The following AGAP1 variants were observed in gnomAD, a reference collection of about 807,000 sequenced individuals.
AGAP1 encodes the protein ArfGAP with GTPase domain, ankyrin repeat and PH domain 1.
Under a neutral mutation model 105.3 loss-of-function variants are expected in AGAP1, and 29 were observed. The observed-to-expected ratio is 0.28, with a 90% CI of 0.21 to 0.38. The LOEUF (loss-of-function observed/expected upper bound fraction) is 0.38. Among genes scored for constraint, AGAP1 ranks in the 10% least tolerant of loss-of-function variants. The pLI is 1.00. For synonymous variants in AGAP1, 509 were observed against 485.9 expected (o/e 1.05, Z -0.63); for missense variants, 998 against 1,165.1 (o/e 0.86, Z 2.09).
intron 6 of AGAP1, among the ~76,000 whole-genome samples, chr2:235,755,719 G>A (rs1039977710): frequency 6.6e-6 from 1 of 152,176 alleles, no homozygotes; most frequent in Non-Finnish European, 1.5e-5. Flanking sequence ...GGGATTGCAG[G>A]CATGACACAC....
At chr2:236,068,628 G>A (rs573607417) in intron 16 of AGAP1, among the ~76,000 whole-genome samples, 42 of 150,266 alleles carry the variant, frequency 2.8e-4, no homozygotes, top group African/African-American at 8.6e-4. Context: ...GTGAAACCCC[G>A]TCTCTACTAA....
chr2:235,603,738 C>G (rs967202694), intron 1 of AGAP1, among the ~76,000 whole-genome samples: 28 of 152,194 alleles, frequency 1.8e-4, no homozygotes, highest in African/African-American at 6.8e-4. Flanking sequence ...CAGTGAGTGT[C>G]TCTCCATGTG....
intron 10 of AGAP1, among the ~76,000 whole-genome samples, chr2:235,886,729 G>A (rs984318580): frequency 1.3e-5 from 2 of 152,246 alleles, no homozygotes; most frequent in African/African-American, 4.8e-5. Context: ...AGTTCCCTAT[G>A]GAAGGGGCTT....
Position 236,049,253 on chromosome 2 carries a change from C to T in AGAP1, c.2086C>T (p.Arg696Trp), listed in dbSNP as rs144972802. The change falls in exon 16 of 18, where the codon CGG becomes TGG. Residue 696 changes from arginine to tryptophan, a missense_variant. Around this residue, in one of 3 missense-constraint regions of AGAP1, gnomAD observed 235 missense variants for 270.7 expected, o/e 0.87. Transcript: ENST00000304032. ...CGTCTGGGAAGAGAGCAGCCAGGGG[C>T]GGACGAAACCATCGGTAGACTCCAC... ...NSVWEESSQGRTKPSVDSTRE... is the reference protein window; with the variant it reads ...NSVWEESSQGWTKPSVDSTRE... 7.2e-5 allele frequency: 116 copies of T among 1,614,106 alleles called. No homozygotes were observed. The highest frequency in any genetic ancestry group is 6.0e-4 in the African/African-American group (45 of 75,036).
chr2:235,875,511 C>T lies in AGAP1; in HGVS notation c.1051-7834C>T, dbSNP rs773907341. Reference sequence around the variant, plus strand: ...TCAGGGCCAGGTCGGTTTTGAGTCACGTGCTTACTGTGTGTCGGAACACTT... The same window carrying T: ...TCAGGGCCAGGTCGGTTTTGAGTCATGTGCTTACTGTGTGTCGGAACACTT... On this transcript the variant is annotated intron_variant, in intron 9 of 17. Transcript: ENST00000304032. The surrounding 1 kb of genome is among the most constrained non-coding windows in gnomAD (Gnocchi z 4.0). Among the ~76,000 whole-genome samples, 4 of 152,190 alleles carry T rather than the reference C, an allele frequency of 2.6e-5. No homozygotes were observed. The highest frequency in any genetic ancestry group is 1.9e-4 in the East Asian group (1 of 5,176).
rs1287846765 is a variant in AGAP1, at chr2:235,930,221, C to T, written c.1325-544C>T. ...TAGTCTTTTCAAGGTTAAGAGTAAA[C>T]TTATCTGGTTGAAGAGCCTGCATTT... On this transcript the variant is annotated intron_variant, in intron 11 of 17. Transcript: ENST00000304032. This position sits in a 1 kb window ranked among gnomAD's most constrained non-coding sequence, Gnocchi z 7.9. 6.6e-6 allele frequency among the ~76,000 whole-genome samples: 1 copy of T among 152,190 alleles called. No homozygotes were observed. The highest frequency in any genetic ancestry group is 1.5e-5 in the Non-Finnish European group (1 of 68,044).
chr2:236,074,249 A>G (rs902060701), intron 16 of AGAP1, among the ~76,000 whole-genome samples: 4 of 151,948 alleles, frequency 2.6e-5, no homozygotes, highest in Admixed American at 2.6e-4. Flanking sequence ...ACCCTCTGCA[A>G]GGGAGAGGCT....
intron 13 of AGAP1, among the ~76,000 whole-genome samples, chr2:236,033,407 A>C (rs1033932325): frequency 5.9e-5 from 9 of 152,204 alleles, no homozygotes; most frequent in Admixed American, 5.9e-4. Flanking sequence ...TTGTTTACAT[A>C]ATTAATCGGG....
In AGAP1 at chr2:235,901,740, G is replaced by A. The variant is rs2051074380; in HGVS notation, c.1156-6998G>A. On this transcript the variant is annotated intron_variant, in intron 10 of 17. Coordinates refer to ENST00000304032, the MANE Select transcript of AGAP1 (RefSeq NM_001037131.3). This position sits in a 1 kb window ranked among gnomAD's most constrained non-coding sequence, Gnocchi z 4.3. Reference sequence around the variant, plus strand: ...TACTAAAACTACAGAAATTAGGTGAGCATAGGAACGTGCCTGTAATCCCAG... The same window carrying A: ...TACTAAAACTACAGAAATTAGGTGAACATAGGAACGTGCCTGTAATCCCAG... 6.6e-6 allele frequency among the ~76,000 whole-genome samples: 1 copy of A among 152,118 alleles called. No homozygotes were observed. Among genetic ancestry groups the A allele is most frequent in the Non-Finnish European group, 1.5e-5 (1 of 68,034 alleles).
At chr2:235,653,228 G>C (rs1947656661) in intron 1 of AGAP1, among the ~76,000 whole-genome samples, 1 of 152,162 alleles carries the variant, frequency 6.6e-6, no homozygotes, top group African/African-American at 2.4e-5. Context: ...CACTTTGGGA[G>C]GCCAAGGCGG....
chr2:235,861,534 AAC>A (rs1559576187), intron 9 of AGAP1, among the ~76,000 whole-genome samples: 1 of 152,194 alleles, frequency 6.6e-6, no homozygotes, highest in Non-Finnish European at 1.5e-5. Context: ...GTGGAAATGA[AAC>A]ACATCCAAGC....
rs1290638660 is a variant in AGAP1 at position 235,971,783 on chromosome 2, T to TGA, written c.1645+3160_1645+3161insGA. Among the ~76,000 whole-genome samples, 1,142 of 150,114 alleles carry TGA rather than the reference T, an allele frequency of 7.6e-3. 13 individuals carry two copies. Among genetic ancestry groups the TGA allele is most frequent in the African/African-American group, 0.026 (1,079 of 41,074 alleles). On this transcript the variant is annotated intron_variant, in intron 13 of 17. Transcript: ENST00000304032. The surrounding 1 kb of genome is among the most constrained non-coding windows in gnomAD (Gnocchi z 4.8). ...TTTATTTATTTATTTATTTATTTAT[T>TGA]TATTGTATTTTTTGAGACAGGTCCT...
intron 11 of AGAP1, among the ~76,000 whole-genome samples, chr2:235,911,760 G>A (rs894000726): frequency 2.0e-5 from 3 of 152,222 alleles, no homozygotes; most frequent in Admixed American, 6.5e-5. Context: ...CGACAAGATT[G>A]AAATCCCTTT....
intron 16 of AGAP1, chr2:236,049,952 A>G (rs1423675141): frequency 6.6e-6 from 1 of 152,256 alleles, no homozygotes; most frequent in Admixed American, 6.5e-5. Flanking sequence ...GAGAAGGCGT[A>G]TGGCATGGAG....
chr2:235,798,713 G>T (rs1364678384), intron 7 of AGAP1, among the ~76,000 whole-genome samples: 1 of 151,818 alleles, frequency 6.6e-6, no homozygotes, highest in Non-Finnish European at 1.5e-5. Context: ...CCACACCTCT[G>T]TATCTACAAA....
Position 235,968,442 on chromosome 2 carries a change from CT to C in AGAP1, c.1484-16del. On this transcript the variant is annotated intron_variant, in intron 12 of 17. Coordinates refer to ENST00000304032, the MANE Select transcript of AGAP1 (RefSeq NM_001037131.3). The stretch of plus-strand genomic sequence containing the variant: ...TCTGCATTTTTTTTTTTTTTTTTGC[CT>C]TTTCCGGTCCAATGGCAGACACAGG... The C allele has an allele frequency of 1.4e-6, 2 of 1,477,728 alleles. No individual in the cohort carries two copies. The highest frequency in any genetic ancestry group is 8.9e-7 in the Non-Finnish European group (1 of 1,119,716). The allele number at this position is 1,477,728 out of a possible 1,614,324, so 91.5% of individuals were successfully genotyped here. A position where few individuals can be genotyped will look rare whatever the true frequency, so the allele number is the denominator to read the frequency against.
intron 6 of AGAP1, among the ~76,000 whole-genome samples, chr2:235,763,665 C>T (rs1211566111): frequency 6.6e-6 from 1 of 152,180 alleles, no homozygotes; most frequent in Non-Finnish European, 1.5e-5. Flanking sequence ...CAGCGTTCTC[C>T]AGCAGCTGCC....
rs566378793 is a variant in AGAP1, at chr2:235,509,764, C to T, written c.163+14915C>T. Among the ~76,000 whole-genome samples, 3 of 152,196 alleles carry T rather than the reference C, an allele frequency of 2.0e-5. No individual in the cohort carries two copies. The East Asian group carries it at 5.8e-4, about 29-fold the overall frequency. On this transcript the variant is annotated intron_variant, in intron 1 of 17. Transcript: ENST00000304032. The stretch of plus-strand genomic sequence containing the variant: ...AGAATAAAATAGAAATAAGATCATG[C>T]ATTAAAAAGGGGGTCCCCAGCCTCT...
chr2:235,657,519 C>T (rs1575056688), intron 1 of AGAP1, among the ~76,000 whole-genome samples: 1 of 152,148 alleles, frequency 6.6e-6, no homozygotes, highest in Non-Finnish European at 1.5e-5. Flanking sequence ...GCTGGGATTA[C>T]AGGCGCCCGC....
Sources: allele counts gnomAD v4.1 joint callset (sites outside exome capture counted in the v4.1 genomes callset), GRCh38; gene constraint gnomAD v4.1.1; regional missense constraint gnomAD v4.1.1; non-coding constraint Gnocchi (gnomAD v3.1); transcripts MANE v1.5; gene names NCBI Gene and HGNC (gene_info 2026-07-23, HGNC 2026-07-21).